Variants in ELAC2 observed in about 807,000 individuals in gnomAD.
ELAC2 encodes the protein elaC ribonuclease Z 2.
In ELAC2, 92 loss-of-function variants were observed where a neutral mutation model predicts 105.2. That is an observed-to-expected ratio of 0.87 (90% CI 0.74 to 1.04). The LOEUF (loss-of-function observed/expected upper bound fraction) is 1.04, where lower values mean the gene tolerates loss of function less well. ELAC2 is among the 50% of genes least tolerant of loss of function. ELAC2 has a pLI of 0.00. For missense variants in ELAC2, 1,099 were observed against 1,071.7 expected, an observed-to-expected ratio of 1.03 and a Z score of -0.36; for synonymous variants, 468 against 409.1, an observed-to-expected ratio of 1.14 and a Z score of -1.74.
chr17:13,003,895 G>A (rs1567757253), intron 11 of ELAC2: 1 of 335,544 alleles, frequency 3.0e-6, no homozygotes, highest in Non-Finnish European at 5.7e-6. Flanking sequence ...CCAGACCCAG[G>A]CTCTCCCTGC....
chr17:12,992,253 T>G lies in ELAC2; in HGVS notation c.*565A>C, dbSNP rs1319177260. The G allele has an allele frequency of 8.3e-6, 2 of 240,494 alleles. No individual in the cohort carries two copies. Among genetic ancestry groups the G allele is most frequent in the East Asian group, 5.9e-5 (1 of 16,898 alleles). 14.9% of individuals were successfully genotyped at this position (240,494 alleles called of 1,614,324 possible). A position where few individuals can be genotyped will look rare whatever the true frequency, so the allele number is the denominator to read the frequency against. On this transcript the variant is annotated 3_prime_UTR_variant, in exon 24 of 24. Transcript: ENST00000338034. ...GAGGACAGGTTCCAGAGGTGCTCAC[T>G]ACGACGGGAGCTGACTTCTTCCAAG...
At chr17:13,011,853 T>C (rs759701011) in intron 6 of ELAC2, 71 bp from the exon 7 acceptor site, 105 of 1,611,474 alleles carry the variant, frequency 6.5e-5, no homozygotes, top group Non-Finnish European at 8.4e-5. Flanking sequence ...CAGACGTTCA[T>C]ACATGGGAAT....
At chr17:13,003,661 C>G in intron 11 of ELAC2, 87 bp from the exon 12 acceptor site, 1 of 1,188,662 alleles carries the variant, frequency 8.4e-7, no homozygotes, top group East Asian at 2.4e-5. Context: ...GGGTATCGTG[C>G]GGCCCTCTGC....
rs933555484 is a variant in ELAC2, at chr17:13,014,472, T to C, written c.457A>G (p.Ile153Val). 2.5e-6 allele frequency: 4 copies of C among 1,613,618 alleles called. No individual in the cohort carries two copies. The highest frequency in any genetic ancestry group is 1.7e-5 in the Admixed American group (1 of 59,988). ...ATTCCTTTCAATGGACCAGAAAATA[T>C]TTTGATTGCTTCGAGGTATTTTTCC... The part of the protein sequence containing the change: ...QLEKYLEAIK[I>V]FSGPLKGIEL... The change falls in exon 5 of 24, where the codon ATA becomes GTA. Residue 153 changes from isoleucine (I) to valine (V), a missense_variant. Transcript: ENST00000338034.
intron 1 of ELAC2, 115 bp from the exon 2 acceptor site, chr17:13,017,236 A>C: frequency 6.9e-6 from 8 of 1,164,696 alleles, no homozygotes; most frequent in Non-Finnish European, 7.6e-6. Context: ...AAAAAATTAA[A>C]AGTCCACGTT....
chr17:13,016,784 G>A, intron 3 of ELAC2, 78 bp downstream of exon 3: 1 of 1,309,210 alleles, frequency 7.6e-7, no homozygotes, highest in Non-Finnish European at 1.1e-6. Context: ...GCCCACCCCA[G>A]ACTTGGAAAA....
intron 7 of ELAC2, among the ~76,000 whole-genome samples, 158 bp from the exon 8 acceptor site, chr17:13,010,829 AC>A (rs1889356965): frequency 6.6e-6 from 1 of 152,186 alleles, no homozygotes; most frequent in Non-Finnish European, 1.5e-5. Context: ...ACTCAAGAAG[AC>A]TTTTTTTCCC....
At chr17:13,006,510 A>G (rs1002310475) in intron 8 of ELAC2, 1 of 165,790 alleles carries the variant, frequency 6.0e-6, no homozygotes, top group African/African-American at 2.4e-5. Context: ...AATGACTTAA[A>G]TCAGTGTTTT....
Position 12,992,152 on chromosome 17 carries a change from TAGAG to T in ELAC2, c.*662_*665del, listed in dbSNP as rs1555570722. 1.3e-5 allele frequency among the ~76,000 whole-genome samples: 2 copies of T among 150,962 alleles called. No individual in the cohort carries two copies. The highest frequency in any genetic ancestry group is 2.4e-5 in the African/African-American group (1 of 41,092). On this transcript the variant is annotated 3_prime_UTR_variant, in exon 24 of 24. Transcript: ENST00000338034. ...TTTGATTGATTGATTGATTGATTGA[TAGAG>T]AAAGCACGCCCTGCTGTGAGCTGGC...
chr17:13,016,701 G>T (rs879168945), intron 3 of ELAC2, among the ~76,000 whole-genome samples, 161 bp downstream of exon 3: 1 of 143,070 alleles, frequency 7.0e-6, no homozygotes, highest in Non-Finnish European at 1.5e-5. Flanking sequence ...GATCACCTGA[G>T]CCCAGAAGGC....
chr17:12,998,320 CA>C, intron 16 of ELAC2, 91 bp downstream of exon 16: 1 of 1,224,856 alleles, frequency 8.2e-7, no homozygotes, highest in Non-Finnish European at 1.2e-6. Context: ...CTTGATACCG[CA>C]TTTCAAATCG....
Position 12,993,256 on chromosome 17 carries a change from C to T in ELAC2, c.2254-211G>A, listed in dbSNP as rs76491525. 0.086 allele frequency among the ~76,000 whole-genome samples: 13,025 copies of T among 152,220 alleles called. 776 individuals are homozygous for T. The highest frequency in any genetic ancestry group is 0.2 in the Middle Eastern group (58 of 292). ...CTCCCCAGGCCTGGCTAAGGGCCTC[C>T]GGAGAGGGAAGGGAGAGCAGTCCAG... On this transcript the variant is annotated intron_variant, in intron 23 of 23. Transcript: ENST00000338034.
intron 12 of ELAC2, 175 bp from the exon 13 acceptor site, chr17:13,002,754 C>A: frequency 1.0e-6 from 1 of 1,003,204 alleles, no homozygotes; most frequent in Non-Finnish European, 1.5e-6. Context: ...GTCTCAAAGC[C>A]CGGTGTTCCC....
rs75545090 is a variant in ELAC2 at position 13,012,012 on chromosome 17, TCAA to T, written c.560-233_560-231del. 3.2e-4 allele frequency among the ~76,000 whole-genome samples: 48 copies of T among 152,330 alleles called. No homozygotes were observed. In the East Asian group the frequency reaches 7.9e-3, roughly 25 times the overall value. ...TCACAGCCTCGGCCACAGTACCAACTCAACAACGTGTTATCTAAACAGCATGTG... is the reference window on the plus strand; with the variant it reads ...TCACAGCCTCGGCCACAGTACCAACTCAACGTGTTATCTAAACAGCATGTG... On this transcript the variant is annotated intron_variant, in intron 6 of 23. Transcript: ENST00000338034.
rs561074067 is a variant in ELAC2, at chr17:13,008,474, T to C, written c.738+2139A>G. On this transcript the variant is annotated intron_variant, in intron 8 of 23. Coordinates refer to ENST00000338034, the MANE Select transcript of ELAC2 (RefSeq NM_018127.7). ...TTGCAGTGAGCCAAGATCGCACCACTGCACTCCAGCCTGGTGACAGAGCGA... is the reference window on the plus strand; with the variant it reads ...TTGCAGTGAGCCAAGATCGCACCACCGCACTCCAGCCTGGTGACAGAGCGA... Among the ~76,000 whole-genome samples, 22 of 151,908 alleles carry C rather than the reference T, an allele frequency of 1.4e-4. No homozygotes were observed. In the East Asian group the frequency reaches 3.5e-3, roughly 24 times the overall value.
At chr17:13,004,854 C>T in intron 11 of ELAC2, 135 bp downstream of exon 11, 1 of 781,518 alleles carries the variant, frequency 1.3e-6, no homozygotes, top group Admixed American at 1.7e-5. Flanking sequence ...TGACTTAAGG[C>T]AGGAGTGCCG....
At position 13,017,980 on chromosome 17, in the gene ELAC2, C is replaced by T; in HGVS notation, c.-33G>A. The T allele has an allele frequency of 1.3e-6, 2 of 1,534,266 alleles. No homozygotes were observed. Among genetic ancestry groups the T allele is most frequent in the Non-Finnish European group, 1.7e-6 (2 of 1,146,584 alleles). ...TCTCCACCAAAACTGAGAAAGCCGC[C>T]GGTCACCTACGCCCGCGTTTCCCGT... On this transcript the variant is annotated 5_prime_UTR_variant, in exon 1 of 24. Coordinates refer to ENST00000338034, the MANE Select transcript of ELAC2 (RefSeq NM_018127.7).
intron 12 of ELAC2, among the ~76,000 whole-genome samples, chr17:13,002,919 T>A (rs2040900722): frequency 6.6e-6 from 1 of 152,022 alleles, no homozygotes; most frequent in South Asian, 2.1e-4. Flanking sequence ...AAACGGGCCA[T>A]GTGGGGAGAT....
chr17:13,001,195 A>G (rs1040692009), intron 14 of ELAC2, among the ~76,000 whole-genome samples: 2 of 152,156 alleles, frequency 1.3e-5, no homozygotes, highest in Non-Finnish European at 2.9e-5. Flanking sequence ...CAAGGTTCAG[A>G]TCCTTAAAAA....
Sources: allele counts gnomAD v4.1 joint callset (sites outside exome capture counted in the v4.1 genomes callset), GRCh38; gene constraint gnomAD v4.1.1; transcripts MANE v1.5; gene names NCBI Gene and HGNC (gene_info 2026-07-23, HGNC 2026-07-21).